The following EFCAB6 variants were observed in gnomAD, a reference collection of about 807,000 sequenced individuals.
The protein encoded by EFCAB6 is EF-hand calcium-binding domain-containing protein 6.
A neutral mutation model predicts 169.8 loss-of-function variants in EFCAB6; 156 were observed. The observed-to-expected ratio is 0.92, with a 90% CI of 0.81 to 1.05. The LOEUF is 1.05. Ranked by LOEUF, EFCAB6 falls within the 50% of genes least tolerant of loss-of-function variation. The pLI, the probability that EFCAB6 is intolerant of heterozygous loss-of-function variation, is 0.00. For missense variants in EFCAB6, 1,800 were observed against 1,829.1 expected, an observed-to-expected ratio of 0.98 and a Z score of 0.29; for synonymous variants, 698 against 676.4, an observed-to-expected ratio of 1.03 and a Z score of -0.50.
Position 43,626,584 on chromosome 22 carries a change from A to T in EFCAB6, c.2328T>A (p.Asn776Lys). Reference protein sequence around the residue: ...LHRLLLHLLLNLKDDEFERFL... With the variant: ...LHRLLLHLLLKLKDDEFERFL... ...AGCGCTCAAACTCGTCGTCTTTGAG[A>T]TTAAGCAGTAGATGCAGGAGCAGTC... The change falls in exon 20 of 32, where the codon AAT becomes AAA. Residue 776 changes from asparagine (N) to lysine (K), a missense_variant. Asn to Lys is a moderately conservative substitution (Grantham distance 94, BLOSUM62 0). Transcript: ENST00000262726. 1 of 1,614,208 alleles carries T rather than the reference A, an allele frequency of 6.2e-7. No individual in the cohort carries two copies.
chr22:43,674,040 C>T (rs778829419), intron 13 of EFCAB6, among the ~76,000 whole-genome samples: 3 of 151,436 alleles, frequency 2.0e-5, no homozygotes, highest in African/African-American at 7.3e-5. Context: ...AAGTGTGTGT[C>T]CAAACTCATC....
intron 26 of EFCAB6, among the ~76,000 whole-genome samples, chr22:43,557,184 T>G (rs1229529187): frequency 2.0e-5 from 3 of 152,218 alleles, no homozygotes; most frequent in Non-Finnish European, 4.4e-5. Context: ...CTCCAGTAAG[T>G]TGCTTACCCA....
chr22:43,679,433 ATGT>A (rs1347187607), intron 12 of EFCAB6, among the ~76,000 whole-genome samples: 3 of 152,170 alleles, frequency 2.0e-5, no homozygotes, highest in African/African-American at 7.2e-5. Flanking sequence ...ATTGTGAATA[ATGT>A]TGTTATGAAC....
At chr22:43,748,824 C>T (rs1190640063) in intron 6 of EFCAB6, among the ~76,000 whole-genome samples, 3 of 152,144 alleles carry the variant, frequency 2.0e-5, no homozygotes, top group Non-Finnish European at 2.9e-5. Context: ...AGAGCTCTCT[C>T]GGGCAGAGCT....
intron 15 of EFCAB6, among the ~76,000 whole-genome samples, 192 bp from the exon 16 acceptor site, chr22:43,669,237 A>C (rs141103493): frequency 0.011 from 1,742 of 152,334 alleles, 30 homozygotes; most frequent in Non-Finnish European, 0.014. Flanking sequence ...CTACACAAAT[A>C]TATACAGCTT....
intron 3 of EFCAB6, among the ~76,000 whole-genome samples, chr22:43,777,147 C>T (rs2061666854): frequency 6.6e-6 from 1 of 152,128 alleles, no homozygotes; most frequent in African/African-American, 2.4e-5. Flanking sequence ...CAAGGATAAT[C>T]CCTTGGTGCT....
At chr22:43,807,869 T>C (rs538375847) in intron 2 of EFCAB6, among the ~76,000 whole-genome samples, 5 of 152,328 alleles carry the variant, frequency 3.3e-5, no homozygotes, top group African/African-American at 1.2e-4. Context: ...CATATACACA[T>C]TGGCCATTTA....
At chr22:43,536,005 C>T (rs1009924296) in intron 29 of EFCAB6, 2 of 152,180 alleles carry the variant, frequency 1.3e-5, no homozygotes, top group African/African-American at 4.8e-5. Flanking sequence ...TACAGAATGA[C>T]TTTTGGAAAG....
intron 23 of EFCAB6, among the ~76,000 whole-genome samples, chr22:43,592,626 C>G (rs1423243755): frequency 6.6e-6 from 1 of 152,140 alleles, no homozygotes; most frequent in East Asian, 1.9e-4. Flanking sequence ...AGCCGACACT[C>G]CGTGACAAAG....
intron 6 of EFCAB6, among the ~76,000 whole-genome samples, chr22:43,747,528 T>C (rs1054836756): frequency 6.6e-6 from 1 of 152,204 alleles, no homozygotes; most frequent in African/African-American, 2.4e-5. Context: ...ATCAACAATG[T>C]AGAATATGTT....
intron 8 of EFCAB6, among the ~76,000 whole-genome samples, chr22:43,725,762 C>G (rs1362188721): frequency 6.6e-6 from 1 of 152,202 alleles, no homozygotes; most frequent in Non-Finnish European, 1.5e-5. Context: ...TCTGTCCTGA[C>G]AGCCTTAGTG....
intron 23 of EFCAB6, among the ~76,000 whole-genome samples, chr22:43,590,551 T>A (rs371032587): frequency 6.6e-6 from 1 of 152,154 alleles, no homozygotes; most frequent in Non-Finnish European, 1.5e-5. Context: ...CATATAGACA[T>A]GTGAAATACA....
intron 2 of EFCAB6, among the ~76,000 whole-genome samples, chr22:43,784,696 C>T (rs1359352475): frequency 7.9e-5 from 10 of 126,266 alleles, no homozygotes; most frequent in African/African-American, 2.1e-4. Context: ...CACACACACA[C>T]ACACACACAC....
chr22:43,529,690 C>T (rs540396023), intron 31 of EFCAB6, among the ~76,000 whole-genome samples: 1 of 152,246 alleles, frequency 6.6e-6, no homozygotes, highest in East Asian at 1.9e-4. Context: ...CAGCAGCCAC[C>T]TTGGATCATG....
Position 43,731,697 on chromosome 22 carries a change from A to G in EFCAB6, c.757+2T>C. On this transcript the variant is annotated splice_donor_variant, in intron 8 of 31. Coordinates refer to ENST00000262726, the MANE Select transcript of EFCAB6 (RefSeq NM_022785.4). LOFTEE classifies it high-confidence loss of function. ...TTAGCTATATACTTTAAAAATACTT[A>G]CCTTGATTTCCCATACAATATCTAA... The G allele has an allele frequency of 6.4e-7, 1 of 1,558,472 alleles. No homozygotes were observed. The highest frequency in any genetic ancestry group is 8.7e-7 in the Non-Finnish European group (1 of 1,150,756).
At chr22:43,580,943 A>G (rs2050682766) in intron 24 of EFCAB6, among the ~76,000 whole-genome samples, 2 of 152,182 alleles carry the variant, frequency 1.3e-5, no homozygotes, top group African/African-American at 4.8e-5. Flanking sequence ...TGAAGGCTGG[A>G]TATCAGGGTT....
At chr22:43,551,589 T>C (rs2147157231) in intron 27 of EFCAB6, among the ~76,000 whole-genome samples, 1 of 152,308 alleles carries the variant, frequency 6.6e-6, no homozygotes, top group South Asian at 2.1e-4. Flanking sequence ...GCATGGTGTT[T>C]GCTGCACAGA....
chr22:43,688,133 A>G (rs1425480984), intron 10 of EFCAB6, among the ~76,000 whole-genome samples: 1 of 152,196 alleles, frequency 6.6e-6, no homozygotes, highest in Non-Finnish European at 1.5e-5. Flanking sequence ...ACAGAAGGGC[A>G]GAAGTGTGAC....
At chr22:43,699,905 T>A (rs1239458712) in intron 10 of EFCAB6, among the ~76,000 whole-genome samples, 1 of 152,210 alleles carries the variant, frequency 6.6e-6, no homozygotes, top group Non-Finnish European at 1.5e-5. Flanking sequence ...AACAGGAGAA[T>A]GTGAGTGAAG....
Sources: allele counts gnomAD v4.1 joint callset (sites outside exome capture counted in the v4.1 genomes callset), GRCh38; gene constraint gnomAD v4.1.1; transcripts MANE v1.5; gene names NCBI Gene and HGNC (gene_info 2026-07-23, HGNC 2026-07-21).